The following CDADC1 variants were observed in gnomAD, a reference collection of about 807,000 sequenced individuals.
CDADC1 encodes dCTP deaminase.
A neutral mutation model predicts 54.9 loss-of-function variants in CDADC1; 39 were observed. The ratio of observed to expected loss-of-function variants is 0.71; its 90% CI spans 0.55 to 0.93. The LOEUF (loss-of-function observed/expected upper bound fraction) is 0.93. Ranked by LOEUF, CDADC1 falls within the 40% of genes least tolerant of loss-of-function variation. CDADC1 has a pLI of 0.00. For missense variants in CDADC1, 518 were observed against 618.8 expected (o/e 0.84, Z 1.73); for synonymous variants, 186 against 204.0 (o/e 0.91, Z 0.75).
At chr13:49,280,463 C>T (rs955091061) in intron 7 of CDADC1, 46 bp from the exon 8 acceptor site, 3 of 1,002,934 alleles carry the variant, frequency 3.0e-6, no homozygotes, top group East Asian at 5.5e-5. Flanking sequence ...AAATAACTTA[C>T]CCTTTCAGAA....
At chr13:49,248,309 G>A in intron 1 of CDADC1, 190 bp downstream of exon 1, 1 of 564,366 alleles carries the variant, frequency 1.8e-6, no homozygotes, top group East Asian at 2.9e-5. Context: ...ACTGGCTTTT[G>A]AAGTCTCGCT....
At chr13:49,281,697 A>G (rs538972646) in intron 8 of CDADC1, among the ~76,000 whole-genome samples, 131 of 152,320 alleles carry the variant, frequency 8.6e-4, no homozygotes, top group African/African-American at 3.0e-3. Context: ...GCAATAGTTT[A>G]AAGGTCACCC....
At chr13:49,259,747 T>C (rs1952629203) in intron 4 of CDADC1, among the ~76,000 whole-genome samples, 1 of 151,546 alleles carries the variant, frequency 6.6e-6, no homozygotes, top group Non-Finnish European at 1.5e-5. Flanking sequence ...CTTGAGATAA[T>C]GAGGTGGGAG....
chr13:49,263,536 C>T (rs775092329), intron 4 of CDADC1, among the ~76,000 whole-genome samples: 5 of 152,204 alleles, frequency 3.3e-5, no homozygotes, highest in Non-Finnish European at 5.9e-5. Context: ...TACATTGTAA[C>T]TAACCTTTAA....
intron 8 of CDADC1, among the ~76,000 whole-genome samples, chr13:49,282,236 G>GGTTTTTTTTT (rs1555315245): frequency 6.4e-5 from 6 of 94,142 alleles, no homozygotes; most frequent in Non-Finnish European, 8.3e-5. Flanking sequence ...GTTTTTGTGG[G>GGTTTTTTTTT]TTTTTTTTTT....
Position 49,267,555 on chromosome 13 carries a change from A to G in CDADC1, c.496A>G (p.Ser166Gly). ...PEISLLTEAS[S>G]SEDAKLDAKA... The stretch of plus-strand genomic sequence containing the variant: ...AATAAGTTTGCTTACGGAGGCTTCT[A>G]GTTCTGAAGATGCAAAGTTAGATGC... The change falls in exon 5 of 10, where the codon AGT becomes GGT. Residue 166 changes from serine (S) to glycine (G), a missense_variant. Transcript: ENST00000251108. 1 of 1,614,146 alleles carries G rather than the reference A, an allele frequency of 6.2e-7. No individual in the cohort carries two copies. Among genetic ancestry groups the G allele is most frequent in the Non-Finnish European group, 8.5e-7 (1 of 1,180,020 alleles).
Position 49,292,411 on chromosome 13 carries a change from TTGA to T in CDADC1, c.*656_*658del, listed in dbSNP as rs1482094494. On this transcript the variant is annotated 3_prime_UTR_variant, in exon 10 of 10. Transcript: ENST00000251108. ...TGTTATTCTGAGACAGTGTCGCTGC[TTGA>T]TATCACTGACTCTTGAAATCACTAA... 3.0e-6 allele frequency: 3 copies of T among 995,922 alleles called. No homozygotes were observed. In the African/African-American group the frequency reaches 5.2e-5, roughly 17 times the overall value. 61.7% of individuals were successfully genotyped at this position (995,922 alleles called of 1,614,324 possible).
At chr13:49,257,923 GA>G (rs1210178506) in intron 3 of CDADC1, among the ~76,000 whole-genome samples, 2 of 152,326 alleles carry the variant, frequency 1.3e-5, no homozygotes, top group African/African-American at 2.4e-5. Context: ...GTAGGGAGGG[GA>G]AAGTGTTCAC....
At position 49,259,360 on chromosome 13, in the gene CDADC1, T is replaced by C; in HGVS notation, c.267T>C (p.Gly89=). 3 of 1,612,020 alleles carry C rather than the reference T, an allele frequency of 1.9e-6. No individual in the cohort carries two copies. Among genetic ancestry groups the C allele is most frequent in the Non-Finnish European group, 2.5e-6 (3 of 1,178,508 alleles). ...TCTTAATGTAGGTAAAGAGAACTGG[T>C]CTTGTGGTGGTGAAAAACATGAAAA... ...STDKRQVKRT[G]LVVVKNMKIV... Residue 89 remains glycine (G), a synonymous_variant, in exon 4 of 10, where the codon GGT becomes GGC. Coordinates refer to ENST00000251108, the MANE Select transcript of CDADC1 (RefSeq NM_030911.4).
At chr13:49,268,140 G>A in intron 5 of CDADC1, 81 bp downstream of exon 5, 1 of 1,110,626 alleles carries the variant, frequency 9.0e-7, no homozygotes, top group Non-Finnish European at 1.3e-6. Context: ...TTATGGTAGA[G>A]TTCATTTACT....
At chr13:49,265,834 T>A in intron 4 of CDADC1, 5 of 1,288,924 alleles carry the variant, frequency 3.9e-6, no homozygotes, top group Non-Finnish European at 5.1e-6. Flanking sequence ...TTGCCACTAA[T>A]ACACAAATGT....
chr13:49,265,804 G>A (rs1396726766), intron 4 of CDADC1: 73 of 1,229,730 alleles, frequency 5.9e-5, no homozygotes, highest in Non-Finnish European at 7.1e-5. Flanking sequence ...CAAAAAATTT[G>A]AGAAACTCTG....
chr13:49,250,876 C>T (rs1239805174), intron 2 of CDADC1, among the ~76,000 whole-genome samples: 1 of 152,112 alleles, frequency 6.6e-6, no homozygotes, highest in Non-Finnish European at 1.5e-5. Context: ...ATTTCTCACC[C>T]TCATCCCCCC....
chr13:49,253,138 T>C (rs1197962122), intron 2 of CDADC1, among the ~76,000 whole-genome samples: 1 of 152,214 alleles, frequency 6.6e-6, no homozygotes, highest in Non-Finnish European at 1.5e-5. Context: ...CAAGATGCAA[T>C]TAGACATGTA....
At chr13:49,279,553 A>T (rs757006122) in intron 7 of CDADC1, among the ~76,000 whole-genome samples, 5 of 152,176 alleles carry the variant, frequency 3.3e-5, no homozygotes, top group Non-Finnish European at 7.3e-5. Flanking sequence ...ACTGGACTCG[A>T]GAGGACTTTG....
chr13:49,271,675 T>G (rs1227992668), intron 5 of CDADC1, among the ~76,000 whole-genome samples: 22 of 151,928 alleles, frequency 1.4e-4, no homozygotes, highest in East Asian at 3.9e-4. Context: ...GTGGAGCACC[T>G]TGGACACTGA....
intron 3 of CDADC1, among the ~76,000 whole-genome samples, chr13:49,258,830 T>C (rs1373716513): frequency 6.6e-6 from 1 of 152,244 alleles, no homozygotes; most frequent in African/African-American, 2.4e-5. Context: ...TTGAGAATTA[T>C]CTTTTCTTTG....
chr13:49,279,510 C>T (rs1474397280), intron 7 of CDADC1, among the ~76,000 whole-genome samples: 2 of 152,150 alleles, frequency 1.3e-5, no homozygotes, highest in African/African-American at 2.4e-5. Context: ...AATGTGGACA[C>T]AAGGGAAAGA....
intron 8 of CDADC1, among the ~76,000 whole-genome samples, chr13:49,282,236 G>GTTTTTTTTTTTTTTT (rs759792512): frequency 1.1e-5 from 1 of 94,138 alleles, no homozygotes; most frequent in Non-Finnish European, 2.1e-5. Context: ...GTTTTTGTGG[G>GTTTTTTTTTTTTTTT]TTTTTTTTTT....
Sources: allele counts gnomAD v4.1 joint callset (sites outside exome capture counted in the v4.1 genomes callset), GRCh38; gene constraint gnomAD v4.1.1; transcripts MANE v1.5; gene names NCBI Gene and HGNC (gene_info 2026-07-23, HGNC 2026-07-21).